Variants in DLK2 observed in about 807,000 individuals in gnomAD.
DLK2 encodes the protein delta like non-canonical Notch ligand 2.
DLK2 carries 9 observed loss-of-function variants against 31.3 expected under a neutral mutation model. The observed-to-expected ratio is 0.29, with a 90% CI of 0.17 to 0.50. The LOEUF (loss-of-function observed/expected upper bound fraction) is 0.50. Ranked by LOEUF, DLK2 falls within the 20% of genes least tolerant of loss-of-function variation. DLK2 has a pLI of 0.98. For synonymous variants in DLK2, 169 were observed against 201.2 expected (o/e 0.84, Z 1.35); for missense variants, 387 against 526.1 (o/e 0.74, Z 2.59).
In DLK2 at chr6:43,451,085, C is replaced by T; in HGVS notation, c.606G>A (p.Glu202=). The T allele has an allele frequency of 6.2e-7, 1 of 1,614,278 alleles. No homozygotes were observed. The highest frequency in any genetic ancestry group is 8.5e-7 in the Non-Finnish European group (1 of 1,180,042). ...GINRFSCLCP[E]GFAGRFCTIN... is the part of the protein sequence containing the mutation. ...TGGTGCAGAAGCGTCCAGCAAAGCC[C>T]TCAGGACAGAGGCAGGAGAAGCGGT... Residue 202 remains glutamate, a synonymous_variant, in exon 6 of 6, where the codon GAG becomes GAA. Transcript: ENST00000372488. This position sits in a 1 kb window ranked among gnomAD's most constrained non-coding sequence, Gnocchi z 4.4.
In DLK2 at chr6:43,451,428, C is replaced by T. The variant is rs1035704907; in HGVS notation, c.417-154G>A. On this transcript the variant is annotated intron_variant, in intron 5 of 5. Coordinates refer to ENST00000372488, the MANE Select transcript of DLK2 (RefSeq NM_023932.4). This position sits in a 1 kb window ranked among gnomAD's most constrained non-coding sequence, Gnocchi z 4.4. Reference sequence around the variant, plus strand: ...TTTAAAAATGAGAATAAAAATAGTACCCAGCTTCCCTAATTGTGAGGGTTG... The same window carrying T: ...TTTAAAAATGAGAATAAAAATAGTATCCAGCTTCCCTAATTGTGAGGGTTG... Among the ~76,000 whole-genome samples, 2 of 152,230 alleles carry T rather than the reference C, an allele frequency of 1.3e-5. No individual in the cohort carries two copies. The highest frequency in any genetic ancestry group is 4.8e-5 in the African/African-American group (2 of 41,462).
rs1783941928 is a variant in DLK2, at chr6:43,455,375, C to T, written c.-56+20G>A. On this transcript the variant is annotated intron_variant, in intron 1 of 5. Coordinates refer to ENST00000372488, the MANE Select transcript of DLK2 (RefSeq NM_023932.4). ...GCGGGGCCTGGAATCCCCACCGCGC[C>T]CTGTCCCCGCAGTCCTCACCTCCGG... The T allele has an allele frequency of 2.0e-5, 3 of 152,034 alleles. No homozygotes were observed. The highest frequency in any genetic ancestry group is 1.9e-4 in the Admixed American group (3 of 15,396). The allele number at this position is 152,034 out of a possible 1,614,324, so 9.4% of individuals were successfully genotyped here.
rs764625445 is a variant in DLK2 at position 43,450,789 on chromosome 6, C to T, written c.902G>A (p.Gly301Glu). ...GGCCACCAAGCTAGGCTCACCTAGC[C>T]CAGCCTCTTGCCTCCGCACCACCTC... The part of the protein sequence containing the change: ...VKEVVRRQEA[G>E]LGEPSLVALV... The change falls in exon 6 of 6, where the codon GGG becomes GAG. Residue 301 changes from glycine (G) to glutamate (E), a missense_variant. Gly to Glu is a moderately conservative substitution (Grantham distance 98). Transcript: ENST00000372488. This position sits in a 1 kb window ranked among gnomAD's most constrained non-coding sequence, Gnocchi z 4.5. 6.2e-7 allele frequency: 1 copy of T among 1,614,226 alleles called. No individual in the cohort carries two copies. Among genetic ancestry groups the T allele is most frequent in the Non-Finnish European group, 8.5e-7 (1 of 1,180,034 alleles).
Position 43,451,549 on chromosome 6 carries a change from C to T in DLK2, c.417-275G>A, listed in dbSNP as rs1783740027. Among the ~76,000 whole-genome samples, 1 of 152,144 alleles carries T rather than the reference C, an allele frequency of 6.6e-6. No homozygotes were observed. The highest frequency in any genetic ancestry group is 2.4e-5 in the African/African-American group (1 of 41,424). On this transcript the variant is annotated intron_variant, in intron 5 of 5. Transcript: ENST00000372488. The surrounding 1 kb of genome is among the most constrained non-coding windows in gnomAD (Gnocchi z 4.4). ...ATTATTATCCTCACAGGCTCCTGGG[C>T]CTGATGCAGAAATGAGGACAAGTCC...
At position 43,451,834 on chromosome 6, in the gene DLK2, G is replaced by T; in HGVS notation, c.416+106C>A. On this transcript the variant is annotated intron_variant, in intron 5 of 5. Coordinates refer to ENST00000372488, the MANE Select transcript of DLK2 (RefSeq NM_023932.4). This position sits in a 1 kb window ranked among gnomAD's most constrained non-coding sequence, Gnocchi z 4.4. ...GGTTTTATCTGAGTGTCCCCGTGTG[G>T]GTCTGACTCTCAGTCCCCCACCCTC... 6.7e-7 allele frequency: 1 copy of T among 1,498,466 alleles called. No homozygotes were observed. Among genetic ancestry groups the T allele is most frequent in the Non-Finnish European group, 8.9e-7 (1 of 1,124,018 alleles). The allele number at this position is 1,498,466 out of a possible 1,614,324, so 92.8% of individuals were successfully genotyped here.
chr6:43,456,083 T>A (rs957785818), upstream of DLK2: 1 of 152,374 alleles, frequency 6.6e-6, no homozygotes, highest in African/African-American at 2.4e-5. Context: ...TATCCCTATA[T>A]AAATATCAAC....
chr6:43,454,296 A>G (rs988619616), intron 3 of DLK2, 115 bp downstream of exon 3: 1 of 977,182 alleles, frequency 1.0e-6, no homozygotes, highest in Middle Eastern at 2.2e-4. Context: ...CCAGTCAGCC[A>G]TAGGAGTGAT....
intron 3 of DLK2, among the ~76,000 whole-genome samples, chr6:43,454,034 C>A (rs1310117040): frequency 6.6e-6 from 1 of 152,216 alleles, no homozygotes; most frequent in Non-Finnish European, 1.5e-5. Flanking sequence ...GATCCTCTTT[C>A]ATTGTAAGTG....
chr6:43,454,932 G>C, intron 1 of DLK2, 52 bp from the exon 2 acceptor site: 2 of 1,441,642 alleles, frequency 1.4e-6, no homozygotes, highest in Non-Finnish European at 1.8e-6. Flanking sequence ...TAGCGGCACG[G>C]ATACGGGTTC....
chr6:43,450,976 G>C lies in DLK2; in HGVS notation c.715C>G (p.Pro239Ala). 1 of 1,614,268 alleles carries C rather than the reference G, an allele frequency of 6.2e-7. No individual in the cohort carries two copies. Among genetic ancestry groups the C allele is most frequent in the Non-Finnish European group, 8.5e-7 (1 of 1,180,040 alleles). The change falls in exon 6 of 6, where the codon CCC (proline) becomes GCC (alanine). Residue 239 changes from proline to alanine, a missense_variant. Transcript: ENST00000372488. The surrounding 1 kb of genome is among the most constrained non-coding windows in gnomAD (Gnocchi z 4.5). ...CAGGTCTTGCCACCATAGCCACTGG[G>C]GCAGAGGCAGTCGAAGTCGTGGACA... ...DRVHDFDCLCPSGYGGKTCEL... is the reference protein window; with the variant it reads ...DRVHDFDCLCASGYGGKTCEL...
Position 43,450,804 on chromosome 6 carries a change from C to T in DLK2, c.887G>A (p.Arg296Gln), listed in dbSNP as rs200707852. The T allele has an allele frequency of 8.6e-5, 139 of 1,614,088 alleles. 1 individual carries two copies. The highest frequency in any genetic ancestry group is 4.9e-4 in the Middle Eastern group (3 of 6,084). ...CTCACCTAGCCCAGCCTCTTGCCTC[C>T]GCACCACCTCCTTCACTGAGATCCG... ...LLRISVKEVV[R>Q]RQEAGLGEPS... The change falls in exon 6 of 6, where the codon CGG becomes CAG. Residue 296 changes from arginine (R) to glutamine (Q), a missense_variant. Transcript: ENST00000372488. The surrounding 1 kb of genome is among the most constrained non-coding windows in gnomAD (Gnocchi z 4.5).
chr6:43,452,940 T>C, intron 4 of DLK2, 65 bp downstream of exon 4: 3 of 1,600,494 alleles, frequency 1.9e-6, no homozygotes, highest in South Asian at 1.1e-5. Context: ...ACTCAATAAA[T>C]ACTGATGGCT....
chr6:43,454,742 G>A lies in DLK2; in HGVS notation c.76+8C>T. The A allele has an allele frequency of 6.5e-7, 1 of 1,547,636 alleles. No homozygotes were observed. The highest frequency in any genetic ancestry group is 8.7e-7 in the Non-Finnish European group (1 of 1,151,278). On this transcript the variant is annotated splice_region_variant and intron_variant, in intron 2 of 5. Coordinates refer to ENST00000372488, the MANE Select transcript of DLK2 (RefSeq NM_023932.4). ...GGGCCGCGACTGGAGCCCAGCGGGC[G>A]CGCTCACCTCGGACAGGCTGACCGG...
Position 43,450,950 on chromosome 6 carries a change from A to G in DLK2, c.741T>C (p.Cys247=), listed in dbSNP as rs1783694181. 1.9e-6 allele frequency: 3 copies of G among 1,614,018 alleles called. No homozygotes were observed. The change falls in exon 6 of 6, where the codon TGT becomes TGC. Residue 247 remains cysteine, a synonymous_variant. Transcript: ENST00000372488. This position sits in a 1 kb window ranked among gnomAD's most constrained non-coding sequence, Gnocchi z 4.5. ...LCPSGYGGKT[C]ELVLPVPDPP... is the part of the protein sequence containing the mutation. ...GGTCTGGGACAGGTAAGACAAGCTCACAGGTCTTGCCACCATAGCCACTGG... is the reference window on the plus strand; with the variant it reads ...GGTCTGGGACAGGTAAGACAAGCTCGCAGGTCTTGCCACCATAGCCACTGG...
At chr6:43,452,969 G>T in intron 4 of DLK2, 36 bp downstream of exon 4, 2 of 1,613,128 alleles carry the variant, frequency 1.2e-6, no homozygotes, top group East Asian at 2.2e-5. Context: ...AAGAACATGG[G>T]GTTCCCAACC....
rs748028737 is a variant in DLK2 at position 43,454,440 on chromosome 6, G to A, written c.111C>T (p.His37=). ...AGGAGCCGTCAGGTGCACAGCAGCC[G>A]TGGGCCAGGTCACAGTGGGAGCTGC... The part of the protein sequence containing the change: ...DDCSSHCDLA[H]GCCAPDGSCR... The change falls in exon 3 of 6, where the codon CAC becomes CAT. Residue 37 remains histidine (H), a synonymous_variant. Coordinates refer to ENST00000372488, the MANE Select transcript of DLK2 (RefSeq NM_023932.4). 5.0e-6 allele frequency: 8 copies of A among 1,602,444 alleles called. No homozygotes were observed. Among genetic ancestry groups the A allele is most frequent in the Middle Eastern group, 1.7e-4 (1 of 6,046 alleles).
rs903459309 is a variant in DLK2, at chr6:43,451,381, C to G, written c.417-107G>C. 7.3e-7 allele frequency: 1 copy of G among 1,374,076 alleles called. No homozygotes were observed. The highest frequency in any genetic ancestry group is 1.5e-5 in the African/African-American group (1 of 68,340). The allele number at this position is 1,374,076 out of a possible 1,614,324, so 85.1% of individuals were successfully genotyped here. The stretch of plus-strand genomic sequence containing the variant: ...CCGCCATGTCATCTTGGGCTACACA[C>G]TCCGAGCCTCAAATACCTCATTTTA... On this transcript the variant is annotated intron_variant, in intron 5 of 5. Transcript: ENST00000372488. The surrounding 1 kb of genome is among the most constrained non-coding windows in gnomAD (Gnocchi z 4.4).
At position 43,451,055 on chromosome 6, in the gene DLK2, G is replaced by A. The variant is rs1355891790; in HGVS notation, c.636C>T (p.Asn212=). The change falls in exon 6 of 6, where the codon AAC becomes AAT. Residue 212 remains asparagine (N), a synonymous_variant. Coordinates refer to ENST00000372488, the MANE Select transcript of DLK2 (RefSeq NM_023932.4). The surrounding 1 kb of genome is among the most constrained non-coding windows in gnomAD (Gnocchi z 4.4). ...EGFAGRFCTI[N]LDDCASRPCQ... ...ATGGGCGGCTGGCACAGTCATCCAG[G>A]TTGATGGTGCAGAAGCGTCCAGCAA... The A allele has an allele frequency of 1.9e-6, 3 of 1,614,248 alleles. No homozygotes were observed. The highest frequency in any genetic ancestry group is 2.5e-6 in the Non-Finnish European group (3 of 1,180,036).
chr6:43,451,411 T>C lies in DLK2; in HGVS notation c.417-137A>G, dbSNP rs1282717510. 8 of 1,167,446 alleles carry C rather than the reference T, an allele frequency of 6.9e-6. No individual in the cohort carries two copies. The African/African-American group carries it at 1.1e-4, about 16-fold the overall frequency. The allele number at this position is 1,167,446 out of a possible 1,614,324, so 72.3% of individuals were successfully genotyped here. On this transcript the variant is annotated intron_variant, in intron 5 of 5. Coordinates refer to ENST00000372488, the MANE Select transcript of DLK2 (RefSeq NM_023932.4). This position sits in a 1 kb window ranked among gnomAD's most constrained non-coding sequence, Gnocchi z 4.4. The stretch of plus-strand genomic sequence containing the variant: ...AGCCTCAAATACCTCATTTTAAAAA[T>C]GAGAATAAAAATAGTACCCAGCTTC...
Sources: gnomAD v4.1 joint callset for allele counts (sites outside exome capture counted in the v4.1 genomes callset) on GRCh38, gnomAD v4.1.1 for gene constraint, Gnocchi (gnomAD v3.1) non-coding constraint, MANE v1.5 for transcripts, NCBI Gene and HGNC (gene_info 2026-07-23, HGNC 2026-07-21) for gene names.